Variants in NAA11 observed in about 807,000 individuals in gnomAD.
NAA11 encodes the protein N-alpha-acetyltransferase 11, NatA catalytic subunit, also known as N-alpha-acetyltransferase 11.
In NAA11, 15 loss-of-function variants were observed where a neutral mutation model predicts 16.1. The ratio of observed to expected loss-of-function variants is 0.93; its 90% CI spans 0.62 to 1.44. The LOEUF is 1.44. NAA11 is among the 40% of genes most tolerant of loss of function. The pLI, the probability that NAA11 is intolerant of heterozygous loss-of-function variation, is 0.00. For synonymous variants in NAA11, 122 were observed against 112.4 expected (o/e 1.09, Z -0.54); for missense variants, 298 against 291.3 (o/e 1.02, Z -0.17).
chr4:79,214,741 T>G, the NAA11 span, among the ~76,000 whole-genome samples: 5 of 151,960 alleles, frequency 3.3e-5, no homozygotes, highest in African/African-American at 1.2e-4. Context: ...GAGCTTGCAG[T>G]GAGCCGAGAT....
At chr4:79,171,483 G>C in the NAA11 span, among the ~76,000 whole-genome samples, 1 of 152,170 alleles carries the variant, frequency 6.6e-6, no homozygotes, top group Non-Finnish European at 1.5e-5. Flanking sequence ...CCCAGTTTCA[G>C]GTATTCTGCT....
rs1722113513 is a variant in NAA11 at position 79,256,651 on chromosome 4, A to ATATATAAATATATATATATATATATATAT, written c.*123-30382_*123-30381insATATATATATATATATATATATTTATATA. ...AATGAACCATATATATATAAATATA[A>ATATATAAATATATATATATATATATATAT]ATATATATATATATATATTGACACG... is the stretch of plus-strand genomic sequence containing the variant. On this transcript the variant is annotated intron_variant and NMD_transcript_variant, in intron 2 of 2. Transcript: ENST00000511542. 7.7e-4 allele frequency among the ~76,000 whole-genome samples: 100 copies of ATATATAAATATATATATATATATATATAT among 130,696 alleles called. 4 individuals carry two copies. Among genetic ancestry groups the ATATATAAATATATATATATATATATATAT allele is most frequent in the African/African-American group, 2.8e-3 (90 of 32,542 alleles). The allele number at this position is 130,696 out of a possible 152,430, so 85.7% of individuals were successfully genotyped here. A position where few individuals can be genotyped will look rare whatever the true frequency, so the allele number is the denominator to read the frequency against.
intron 1 of NAA11, chr4:79,299,341 T>A (rs1723322257): frequency 6.6e-6 from 1 of 152,180 alleles, no homozygotes; most frequent in Non-Finnish European, 1.5e-5. Context: ...TCCTGCCTCA[T>A]TACATTTCTG....
intron 1 of NAA11, among the ~76,000 whole-genome samples, chr4:79,303,079 T>TAGATAG (rs1190941429): frequency 1.5e-4 from 2 of 13,362 alleles, no homozygotes; most frequent in African/African-American, 4.8e-4. Context: ...AGGCCTTTTA[T>TAGATAG]ATATATATAT....
chr4:79,156,738 C>T, the NAA11 span, among the ~76,000 whole-genome samples: 1 of 152,222 alleles, frequency 6.6e-6, no homozygotes, highest in Non-Finnish European at 1.5e-5. Context: ...TATCGTACAT[C>T]TGTTAGATGA....
the NAA11 span, among the ~76,000 whole-genome samples, chr4:79,202,623 T>TATATATATATATATA: frequency 5.7e-5 from 3 of 52,622 alleles, no homozygotes; most frequent in Non-Finnish European, 1.3e-4. Flanking sequence ...ATATATAGTT[T>TATATATATATATATA]TATATATATA....
intron 2 of NAA11, among the ~76,000 whole-genome samples, chr4:79,264,688 G>A (rs78470446): frequency 8.3e-4 from 126 of 152,224 alleles, no homozygotes; most frequent in African/African-American, 2.9e-3. Context: ...TGTTTGCTGG[G>A]GCAGTGCTCT....
chr4:79,263,080 A>G lies in NAA11; in HGVS notation c.*122+30925T>C, dbSNP rs560253547. Among the ~76,000 whole-genome samples, 445 of 152,312 alleles carry G rather than the reference A, an allele frequency of 2.9e-3. 4 individuals carry two copies. Among genetic ancestry groups the G allele is most frequent in the Middle Eastern group, 6.8e-3 (2 of 294 alleles). On this transcript the variant is annotated intron_variant and NMD_transcript_variant, in intron 2 of 2. Coordinates refer to the NAA11 transcript ENST00000511542. ...TATGAATAGCATAATAATTTAGATA[A>G]GGGAGAGAACAATGATTGTCTGGAT...
At chr4:79,202,521 TACAC>T in the NAA11 span, among the ~76,000 whole-genome samples, 2 of 135,212 alleles carry the variant, frequency 1.5e-5, no homozygotes, top group Admixed American at 7.6e-5. Flanking sequence ...TAAACTTTTA[TACAC>T]ACACACACAC....
intron 1 of NAA11, among the ~76,000 whole-genome samples, chr4:79,324,888 C>T (rs1251023116): frequency 1.3e-5 from 2 of 152,212 alleles, no homozygotes; most frequent in Non-Finnish European, 2.9e-5. Context: ...CTTTCATCAA[C>T]TACGTGGTTA....
the NAA11 span, among the ~76,000 whole-genome samples, chr4:79,216,038 T>A: frequency 6.6e-6 from 1 of 152,186 alleles, no homozygotes; most frequent in Admixed American, 6.5e-5. Flanking sequence ...AGTACTCTGT[T>A]CTATTCTTTA....
At chr4:79,211,387 G>T in the NAA11 span, among the ~76,000 whole-genome samples, 1 of 151,978 alleles carries the variant, frequency 6.6e-6, no homozygotes, top group African/African-American at 2.4e-5. Flanking sequence ...CTGCATATGT[G>T]TGCTGCAGAA....
At chr4:79,214,801 A>C in the NAA11 span, among the ~76,000 whole-genome samples, 3,780 of 152,134 alleles carry the variant, frequency 0.025, 110 homozygotes, top group African/African-American at 0.069. Context: ...CCATCTAAAA[A>C]AAAATAAAAA....
At chr4:79,255,187 G>A (rs2109970274) in intron 2 of NAA11, among the ~76,000 whole-genome samples, 1 of 152,192 alleles carries the variant, frequency 6.6e-6, no homozygotes, top group African/African-American at 2.4e-5. Context: ...AAGAGGGAGT[G>A]AAAAGAGCAT....
chr4:79,279,606 T>G (rs1023853129), intron 2 of NAA11, among the ~76,000 whole-genome samples: 1 of 152,136 alleles, frequency 6.6e-6, no homozygotes, highest in Non-Finnish European at 1.5e-5. Flanking sequence ...TTTGCTACTC[T>G]AATGACCAGT....
At chr4:79,208,191 T>C in the NAA11 span, among the ~76,000 whole-genome samples, 1 of 152,190 alleles carries the variant, frequency 6.6e-6, no homozygotes. Flanking sequence ...TGGCCTGGTT[T>C]TTTCCTCACT....
the NAA11 span, among the ~76,000 whole-genome samples, chr4:79,201,978 A>G: frequency 6.6e-6 from 1 of 151,730 alleles, no homozygotes. Flanking sequence ...CAATGCATGT[A>G]TACATTATAT....
chr4:79,219,234 A>C, the NAA11 span, among the ~76,000 whole-genome samples: 1 of 152,134 alleles, frequency 6.6e-6, no homozygotes, highest in South Asian at 2.1e-4. Flanking sequence ...GGTCGATTGG[A>C]TGAGGGTTAA....
chr4:79,203,016 A>G, the NAA11 span, among the ~76,000 whole-genome samples: 1 of 151,582 alleles, frequency 6.6e-6, no homozygotes, highest in Non-Finnish European at 1.5e-5. Context: ...CTGATTTCAA[A>G]CATATATGTA....
Sources: gnomAD v4.1 joint callset for allele counts (sites outside exome capture counted in the v4.1 genomes callset) on GRCh38, gnomAD v4.1.1 for gene constraint, MANE v1.5 for transcripts, NCBI Gene and HGNC (gene_info 2026-07-23, HGNC 2026-07-21) for gene names.